MAPKAPK5: variants seen among roughly 807,000 people sequenced by gnomAD.
The protein encoded by MAPKAPK5 is MAPK activated protein kinase 5, also known as MAP kinase-activated protein kinase 5.
Under a neutral mutation model 65.1 loss-of-function variants are expected in MAPKAPK5, and 30 were observed. That is an observed-to-expected ratio of 0.46 (90% CI 0.34 to 0.63). The LOEUF is 0.63. MAPKAPK5 is among the 20% of genes least tolerant of loss of function. MAPKAPK5 has a pLI of 0.01. For synonymous variants in MAPKAPK5, 179 were observed against 204.6 expected, an observed-to-expected ratio of 0.87 and a Z score of 1.07; for missense variants, 433 against 581.4, an observed-to-expected ratio of 0.74 and a Z score of 2.63.
At chr12:111,892,901 C>G in intron 13 of MAPKAPK5, 66 bp from the exon 14 acceptor site, 1 of 1,167,524 alleles carries the variant, frequency 8.6e-7, no homozygotes, top group Non-Finnish European at 1.2e-6. Context: ...CTTATTGGGT[C>G]TCTGTCAAGA....
intron 6 of MAPKAPK5, among the ~76,000 whole-genome samples, chr12:111,870,690 C>G (rs1270023255): frequency 6.6e-6 from 1 of 152,058 alleles, no homozygotes; most frequent in Non-Finnish European, 1.5e-5. Context: ...CAGCTCTGTC[C>G]CCTGCCCCAT....
At chr12:111,856,500 G>A (rs2069247107) in intron 1 of MAPKAPK5, among the ~76,000 whole-genome samples, 1 of 148,996 alleles carries the variant, frequency 6.7e-6, no homozygotes, top group Admixed American at 6.8e-5. Flanking sequence ...TCCACCTCCT[G>A]GGTTCAAGTG....
intron 2 of MAPKAPK5, among the ~76,000 whole-genome samples, chr12:111,865,834 C>CAAA (rs1157723498): frequency 6.3e-4 from 36 of 57,338 alleles, no homozygotes; most frequent in South Asian, 2.1e-3. Context: ...GATTCTGTCT[C>CAAA]AAAAAAAAAA....
At chr12:111,860,731 G>A (rs1451735922) in intron 1 of MAPKAPK5, among the ~76,000 whole-genome samples, 1 of 152,120 alleles carries the variant, frequency 6.6e-6, no homozygotes, top group African/African-American at 2.4e-5. Flanking sequence ...TCAAGAATCT[G>A]TACTTCTCAG....
At chr12:111,843,058 A>G in intron 1 of MAPKAPK5, 1 of 398,752 alleles carries the variant, frequency 2.5e-6, no homozygotes, top group Non-Finnish European at 4.4e-6. Context: ...AATGGGACGA[A>G]GAGAGCCCTA....
In MAPKAPK5 at chr12:111,896,736, CCA is replaced by C. The variant is rs2070834852; in HGVS notation, c.*3678_*3679del. The C allele has an allele frequency of 6.6e-6, 1 of 152,156 alleles. No individual in the cohort carries two copies. 9.4% of individuals were successfully genotyped at this position (152,156 alleles called of 1,614,324 possible). A position where few individuals can be genotyped will look rare whatever the true frequency, so the allele number is the denominator to read the frequency against. On this transcript the variant is annotated 3_prime_UTR_variant, in exon 14 of 14. Transcript: ENST00000550735. ...GTCAATCAGATACTTTTAGACTTTACCACAGTTATAAAAGTCAGCTTGATGTA... is the reference window on the plus strand; with the variant it reads ...GTCAATCAGATACTTTTAGACTTTACCAGTTATAAAAGTCAGCTTGATGTA...
At chr12:111,889,376 T>G (rs910662822) in intron 12 of MAPKAPK5, 7 of 199,964 alleles carry the variant, frequency 3.5e-5, no homozygotes, top group Non-Finnish European at 7.2e-5. Flanking sequence ...CTGTTAACCA[T>G]TTCCAGAGCC....
In MAPKAPK5 at chr12:111,882,805, G is replaced by A. The variant is rs540463532; in HGVS notation, c.661-776G>A. 43 of 985,476 alleles carry A rather than the reference G, an allele frequency of 4.4e-5. No homozygotes were observed. The African/African-American group carries it at 6.3e-4, about 14-fold the overall frequency. 61.0% of individuals were successfully genotyped at this position (985,476 alleles called of 1,614,324 possible). ...TTCCCTCCAGTCCTCTCCATGATCT[G>A]TGTCAAACTGCTTTGGGCCTTTATG... is the stretch of plus-strand genomic sequence containing the variant. On this transcript the variant is annotated intron_variant, in intron 8 of 13. Transcript: ENST00000550735.
chr12:111,859,496 A>T (rs2069356892), intron 1 of MAPKAPK5, among the ~76,000 whole-genome samples: 1 of 151,848 alleles, frequency 6.6e-6, no homozygotes, highest in African/African-American at 2.4e-5. Flanking sequence ...CAAACTCTTG[A>T]CCTCGTGATC....
At chr12:111,877,522 G>A (rs192106188) in intron 7 of MAPKAPK5, among the ~76,000 whole-genome samples, 7 of 152,160 alleles carry the variant, frequency 4.6e-5, no homozygotes, top group Admixed American at 2.0e-4. Flanking sequence ...AATGATGTCT[G>A]CCATCTTTTC....
intron 1 of MAPKAPK5, among the ~76,000 whole-genome samples, chr12:111,853,539 A>C (rs760615788): frequency 1.3e-5 from 2 of 151,940 alleles, no homozygotes; most frequent in Non-Finnish European, 2.9e-5. Context: ...TATAAAACAA[A>C]ATTTTTTTGT....
intron 7 of MAPKAPK5, among the ~76,000 whole-genome samples, chr12:111,872,756 A>G (rs557853099): frequency 6.6e-6 from 1 of 152,300 alleles, no homozygotes; most frequent in African/African-American, 2.4e-5. Flanking sequence ...CAGAGCCAGT[A>G]GCATAGCATC....
intron 1 of MAPKAPK5, among the ~76,000 whole-genome samples, chr12:111,860,957 G>A (rs1331921167): frequency 4.0e-5 from 6 of 151,466 alleles, no homozygotes; most frequent in Admixed American, 3.3e-4. Flanking sequence ...TCAGGAGTTC[G>A]AGACCAGCCT....
At chr12:111,855,601 G>C (rs2069207759) in intron 1 of MAPKAPK5, among the ~76,000 whole-genome samples, 1 of 152,094 alleles carries the variant, frequency 6.6e-6, no homozygotes, top group Admixed American at 6.6e-5. Context: ...GGCCAAGGCA[G>C]GCGGATCACG....
At chr12:111,884,193 C>T (rs1397907752) in intron 9 of MAPKAPK5, among the ~76,000 whole-genome samples, 1 of 152,090 alleles carries the variant, frequency 6.6e-6, no homozygotes, top group Non-Finnish European at 1.5e-5. Context: ...GGCCTGGACC[C>T]CACCCTCCAC....
intron 1 of MAPKAPK5, among the ~76,000 whole-genome samples, chr12:111,859,896 G>A (rs1485701776): frequency 1.3e-5 from 2 of 151,490 alleles, no homozygotes; most frequent in Non-Finnish European, 2.9e-5. Context: ...TGATCCACCC[G>A]CCTCAGCCTC....
chr12:111,901,188 T>TTACC lies in MAPKAPK5; in HGVS notation c.*8127_*8128insTACC, dbSNP rs2136187537. 4.4e-6 allele frequency: 2 copies of TTACC among 456,062 alleles called. No homozygotes were observed. The highest frequency in any genetic ancestry group is 8.8e-6 in the Non-Finnish European group (2 of 226,802). The allele number at this position is 456,062 out of a possible 1,614,324, so 28.3% of individuals were successfully genotyped here. On this transcript the variant is annotated 3_prime_UTR_variant, in exon 14 of 14. Transcript: ENST00000550735. ...AGGAGATGTGCACAATGGCACTTAC[T>TTACC]GTGCACCAAACAAAGTCTGCCTGAA... is the stretch of plus-strand genomic sequence containing the variant.
chr12:111,868,071 T>G (rs1035717295), intron 4 of MAPKAPK5, among the ~76,000 whole-genome samples: 1 of 152,326 alleles, frequency 6.6e-6, no homozygotes, highest in South Asian at 2.1e-4. Flanking sequence ...CTAGGCAGAG[T>G]CTTAGAGGCT....
intron 1 of MAPKAPK5, among the ~76,000 whole-genome samples, chr12:111,856,456 G>C (rs756494893): frequency 5.4e-5 from 8 of 148,400 alleles, no homozygotes; most frequent in Non-Finnish European, 8.9e-5. Flanking sequence ...ACCCAGGCTG[G>C]TGTGCAGTAG....
Sources: allele counts gnomAD v4.1 joint callset (sites outside exome capture counted in the v4.1 genomes callset), GRCh38; gene constraint gnomAD v4.1.1; transcripts MANE v1.5; gene names NCBI Gene and HGNC (gene_info 2026-07-23, HGNC 2026-07-21).